The following SALL4 variants were observed in gnomAD, a reference collection of about 807,000 sequenced individuals.
SALL4 encodes the protein spalt like transcription factor 4.
A neutral mutation model predicts 60.8 loss-of-function variants in SALL4; 4 were observed. That is an observed-to-expected ratio of 0.07 (90% CI 0.03 to 0.15). The LOEUF (loss-of-function observed/expected upper bound fraction) is 0.15, where lower values mean the gene tolerates loss of function less well. Ranked by LOEUF, SALL4 falls within the 10% of genes least tolerant of loss-of-function variation. The probability of loss-of-function intolerance (pLI) is 1.00; values close to 1 mark genes in which losing one functional copy is unlikely to be tolerated. For synonymous variants in SALL4, 580 were observed against 574.9 expected (o/e 1.01, Z -0.13); for missense variants, 1,178 against 1,394.7 (o/e 0.84, Z 2.48).
chr20:51,799,814 A>C (rs1174095428), intron 1 of SALL4, among the ~76,000 whole-genome samples: 1 of 152,124 alleles, frequency 6.6e-6, no homozygotes, highest in Non-Finnish European at 1.5e-5. Flanking sequence ...CCCTGCGACC[A>C]CCTGCAGATT....
intron 1 of SALL4, among the ~76,000 whole-genome samples, chr20:51,798,845 AAAAACAAAAC>A (rs369396897): frequency 0.059 from 8,976 of 151,554 alleles, 344 homozygotes; most frequent in East Asian, 0.14. Flanking sequence ...AAAAACCAAT[AAAAACAAAAC>A]AAAACAAAAC....
chr20:51,797,607 T>C (rs61223564), intron 1 of SALL4: 1 of 151,832 alleles, frequency 6.6e-6, no homozygotes, highest in African/African-American at 2.4e-5. Flanking sequence ...GATTCTGTTA[T>C]GAACAATTGC....
At chr20:51,789,913 A>G in intron 2 of SALL4, 109 bp downstream of exon 2, 1 of 1,364,226 alleles carries the variant, frequency 7.3e-7, no homozygotes, top group Non-Finnish European at 1.0e-6. Flanking sequence ...ATTGCCCTAT[A>G]GAAGGGGCTG....
In SALL4 at chr20:51,788,994, T is replaced by C. The variant is rs1601166958; in HGVS notation, c.2609A>G (p.His870Arg). ...AAQPRRQAKQ[H>R]GCTRCGKNFS... ...GTTCTTCCCACACCGTGTGCAGCCA[T>C]GTTGCTTGGCCTGTCGGCGTGGCTG... The change falls in exon 3 of 4, where the codon CAT (histidine) becomes CGT (arginine). Residue 870 changes from histidine to arginine, a missense_variant. By Grantham distance (29) the His-to-Arg change is conservative. Coordinates refer to ENST00000217086, the MANE Select transcript of SALL4 (RefSeq NM_020436.5). This position sits in a 1 kb window ranked among gnomAD's most constrained non-coding sequence, Gnocchi z 4.1. 6.2e-7 allele frequency: 1 copy of C among 1,614,236 alleles called. No homozygotes were observed. Among genetic ancestry groups the C allele is most frequent in the South Asian group, 1.1e-5 (1 of 91,086 alleles).
Position 51,791,019 on chromosome 20 carries a change from A to T in SALL4, c.1464T>A (p.Asn488Lys). ...LVTTSVGLPQ[N>K]LSSGTNPKDL... Reference sequence around the variant, plus strand: ...CCTTGGGATTAGTCCCCGAAGAAAGATTCTGAGGTAGCCCTACAGAGGTGG... The same window carrying T: ...CCTTGGGATTAGTCCCCGAAGAAAGTTTCTGAGGTAGCCCTACAGAGGTGG... Residue 488 changes from asparagine (N) to lysine (K), a missense_variant, in exon 2 of 4, where the codon AAT (asparagine) becomes AAA (lysine). By Grantham distance (94) the Asn-to-Lys change is moderately conservative (BLOSUM62 0). Coordinates refer to ENST00000217086, the MANE Select transcript of SALL4 (RefSeq NM_020436.5). This position sits in a 1 kb window ranked among gnomAD's most constrained non-coding sequence, Gnocchi z 4.6. 1.2e-6 allele frequency: 2 copies of T among 1,614,182 alleles called. No individual in the cohort carries two copies. The highest frequency in any genetic ancestry group is 1.7e-6 in the Non-Finnish European group (2 of 1,180,042).
chr20:51,791,290 T>G lies in SALL4; in HGVS notation c.1193A>C (p.Gln398Pro), dbSNP rs1391073695. 1 of 1,614,020 alleles carries G rather than the reference T, an allele frequency of 6.2e-7. No individual in the cohort carries two copies. Among genetic ancestry groups the G allele is most frequent in the Non-Finnish European group, 8.5e-7 (1 of 1,180,040 alleles). ...SKVFGTDSSL[Q>P]IHLRSHTGER... is the part of the protein sequence containing the mutation. ...TCCAGTGTGGGAGCGGAGGTGGATC[T>G]GCAAGGAGCTATCAGTCCCAAAAAC... The change falls in exon 2 of 4, where the codon CAG (glutamine) becomes CCG (proline). Residue 398 changes from glutamine (Q) to proline (P), a missense_variant. Transcript: ENST00000217086. This position sits in a 1 kb window ranked among gnomAD's most constrained non-coding sequence, Gnocchi z 4.6.
chr20:51,801,861 G>T lies in SALL4; in HGVS notation c.130+418C>A, dbSNP rs1009699145. Among the ~76,000 whole-genome samples, 1 of 151,462 alleles carries T rather than the reference G, an allele frequency of 6.6e-6. No homozygotes were observed. Among genetic ancestry groups the T allele is most frequent in the African/African-American group, 2.4e-5 (1 of 41,204 alleles). Reference sequence around the variant, plus strand: ...CCCAAGGGGCTGGTGGAGAGGGTGGGGATCCCCCGGGGTTCTTTCTTTTGA... The same window carrying T: ...CCCAAGGGGCTGGTGGAGAGGGTGGTGATCCCCCGGGGTTCTTTCTTTTGA... On this transcript the variant is annotated intron_variant, in intron 1 of 3. Transcript: ENST00000217086. The surrounding 1 kb of genome is among the most constrained non-coding windows in gnomAD (Gnocchi z 5.2).
At chr20:51,789,617 C>G (rs536031495) in intron 2 of SALL4, among the ~76,000 whole-genome samples, 2 of 152,092 alleles carry the variant, frequency 1.3e-5, no homozygotes, top group Non-Finnish European at 2.9e-5. Context: ...CAGGGAACCA[C>G]GGCTTATTTC....
intron 3 of SALL4, among the ~76,000 whole-genome samples, chr20:51,786,215 T>C (rs2077991573): frequency 6.7e-6 from 1 of 149,858 alleles, no homozygotes; most frequent in Admixed American, 6.7e-5. Context: ...GCCTCCCGAG[T>C]AGCTGGGACT....
rs372095837 is a variant in SALL4 at position 51,784,473 on chromosome 20, T to C, written c.2954A>G (p.Asn985Ser). The C allele has an allele frequency of 3.7e-6, 6 of 1,614,024 alleles. No individual in the cohort carries two copies. The highest frequency in any genetic ancestry group is 4.5e-5 in the East Asian group (2 of 44,894). ...MLNGGLAVKT[N>S]EISVIQSGGV... ...CCCACTCTGGATCACAGAGATCTCA[T>C]TGGTCTTCACGGCCAGACCGCCATT... is the stretch of plus-strand genomic sequence containing the variant. The change falls in exon 4 of 4, where the codon AAT (asparagine) becomes AGT (serine). Residue 985 changes from asparagine (N) to serine (S), a missense_variant. Physicochemically the swap from Asn to Ser is conservative, Grantham distance 46. Transcript: ENST00000217086.
chr20:51,787,807 CTT>C (rs1168315976), intron 3 of SALL4, among the ~76,000 whole-genome samples: 1 of 151,856 alleles, frequency 6.6e-6, no homozygotes, highest in Non-Finnish European at 1.5e-5. Context: ...GCGTCCGGCC[CTT>C]TTCAGCTTCT....
rs1251258506 is a variant in SALL4, at chr20:51,783,864, T to G, written c.*401A>C. The G allele has an allele frequency of 3.8e-6, 1 of 262,158 alleles. No individual in the cohort carries two copies. The highest frequency in any genetic ancestry group is 7.4e-6 in the Non-Finnish European group (1 of 135,136). The allele number at this position is 262,158 out of a possible 1,614,324, so 16.2% of individuals were successfully genotyped here. A position where few individuals can be genotyped will look rare whatever the true frequency, so the allele number is the denominator to read the frequency against. ...GGTGAAACCCAGTCTCTACTCAAAATACAAAATTAGCCGGGCGTGGTGGCA... is the reference window on the plus strand; with the variant it reads ...GGTGAAACCCAGTCTCTACTCAAAAGACAAAATTAGCCGGGCGTGGTGGCA... On this transcript the variant is annotated 3_prime_UTR_variant, in exon 4 of 4. Coordinates refer to ENST00000217086, the MANE Select transcript of SALL4 (RefSeq NM_020436.5).
At chr20:51,796,015 T>G (rs1184635231) in intron 1 of SALL4, among the ~76,000 whole-genome samples, 1 of 151,714 alleles carries the variant, frequency 6.6e-6, no homozygotes, top group African/African-American at 2.4e-5. Flanking sequence ...GCCAACATGG[T>G]GAAACTCTGT....
At chr20:51,789,685 G>A (rs2078020333) in intron 2 of SALL4, among the ~76,000 whole-genome samples, 1 of 151,944 alleles carries the variant, frequency 6.6e-6, no homozygotes, top group South Asian at 2.1e-4. Flanking sequence ...CCCATATACA[G>A]AATCATAGTG....
Position 51,790,849 on chromosome 20 carries a change from C to T in SALL4, c.1634G>A (p.Gly545Glu). ...CTGCTGCAATTTCAGGGTCTCTGAC[C>T]CTGGCTCAGGGGTCCCACTCCCTTG... ...GFQGSGTPEP[G>E]SETLKLQQLV... is the part of the protein sequence containing the mutation. Residue 545 changes from glycine (G) to glutamate (E), a missense_variant, in exon 2 of 4, where the codon GGG becomes GAG. Gly to Glu is a moderately conservative substitution (Grantham distance 98). Around this residue, in one of 5 missense-constraint regions of SALL4, gnomAD observed 853 missense variants for 1,036.8 expected, o/e 0.82. Transcript: ENST00000217086. This position sits in a 1 kb window ranked among gnomAD's most constrained non-coding sequence, Gnocchi z 5.5. The T allele has an allele frequency of 6.2e-7, 1 of 1,614,048 alleles. No individual in the cohort carries two copies. The highest frequency in any genetic ancestry group is 8.5e-7 in the Non-Finnish European group (1 of 1,179,994).
chr20:51,799,935 G>A (rs1195811320), intron 1 of SALL4, among the ~76,000 whole-genome samples: 1 of 152,050 alleles, frequency 6.6e-6, no homozygotes. Flanking sequence ...AAAATTATGT[G>A]AGACATATAC....
chr20:51,784,092 A>T lies in SALL4; in HGVS notation c.*173T>A. The T allele has an allele frequency of 1.4e-6, 1 of 715,176 alleles. No individual in the cohort carries two copies. Among genetic ancestry groups the T allele is most frequent in the Non-Finnish European group, 2.3e-6 (1 of 428,446 alleles). 44.3% of individuals were successfully genotyped at this position (715,176 alleles called of 1,614,324 possible). A position where few individuals can be genotyped will look rare whatever the true frequency, so the allele number is the denominator to read the frequency against. On this transcript the variant is annotated 3_prime_UTR_variant, in exon 4 of 4. Transcript: ENST00000217086. ...TTTTCAACTTTTTGCAAAGCAGCAT[A>T]GCAACAATCGTGATTGTAGCACTTG...
At chr20:51,798,311 T>G (rs2078090510) in intron 1 of SALL4, among the ~76,000 whole-genome samples, 3 of 152,048 alleles carry the variant, frequency 2.0e-5, no homozygotes. Context: ...GTGTGACTTC[T>G]GTTTGCTTCC....
rs759292447 is a variant in SALL4 at position 51,792,006 on chromosome 20, T to C, written c.477A>G (p.Thr159=). 5 of 1,614,034 alleles carry C rather than the reference T, an allele frequency of 3.1e-6. No homozygotes were observed. Among genetic ancestry groups the C allele is most frequent in the Middle Eastern group, 1.6e-4 (1 of 6,084 alleles). The change falls in exon 2 of 4, where the codon ACA becomes ACG. Residue 159 remains threonine, a synonymous_variant. Transcript: ENST00000217086. Reference sequence around the variant, plus strand: ...TGTCCTGGGGGGTGGGTGGCAGGGCTGTCTCTGTCTTTAGGTACACCACAG... The same window carrying C: ...TGTCCTGGGGGGTGGGTGGCAGGGCCGTCTCTGTCTTTAGGTACACCACAG... ...AESVVYLKTE[T]ALPPTPQDIS...
Sources: gnomAD v4.1 joint callset for allele counts (sites outside exome capture counted in the v4.1 genomes callset) on GRCh38, gnomAD v4.1.1 for gene constraint, gnomAD v4.1.1 regional missense constraint, Gnocchi (gnomAD v3.1) non-coding constraint, MANE v1.5 for transcripts, NCBI Gene and HGNC (gene_info 2026-07-23, HGNC 2026-07-21) for gene names.